Variants in ATP8A2 observed in about 807,000 individuals in gnomAD.
The protein encoded by ATP8A2 is phospholipid-transporting ATPase IB.
In ATP8A2, 100 loss-of-function variants were observed where a neutral mutation model predicts 165.6. The observed-to-expected ratio is 0.60, with a 90% confidence interval of 0.51 to 0.71. The LOEUF (loss-of-function observed/expected upper bound fraction) is 0.71, where lower values mean the gene tolerates loss of function less well. ATP8A2 is among the 30% of genes least tolerant of loss of function. ATP8A2 has a pLI of 0.00. For missense variants in ATP8A2, 1,227 were observed against 1,479.5 expected, an observed-to-expected ratio of 0.83 and a Z score of 2.80; for synonymous variants, 543 against 548.8, an observed-to-expected ratio of 0.99 and a Z score of 0.15.
At position 26,022,127 on chromosome 13, in the gene ATP8A2, C is replaced by G. The variant is rs2139387796; in HGVS notation, c.*2142C>G. 6.6e-6 allele frequency: 1 copy of G among 152,310 alleles called. No homozygotes were observed. Among genetic ancestry groups the G allele is most frequent in the Non-Finnish European group, 1.5e-5 (1 of 68,020 alleles). 9.4% of individuals were successfully genotyped at this position (152,310 alleles called of 1,614,324 possible). On this transcript the variant is annotated 3_prime_UTR_variant, in exon 37 of 37. Transcript: ENST00000381655. ...ACGGAAGGACTGTCATGCAGGAACT[C>G]TAACACAAAATGTGCCTATGACTAA...
chr13:25,759,469 G>A (rs985978615), intron 25 of ATP8A2, among the ~76,000 whole-genome samples: 5 of 152,082 alleles, frequency 3.3e-5, no homozygotes, highest in African/African-American at 1.2e-4. Context: ...CCACAGCAGA[G>A]GTCAGGCACA....
chr13:25,908,179 A>G (rs755403148), intron 33 of ATP8A2, among the ~76,000 whole-genome samples: 1 of 151,848 alleles, frequency 6.6e-6, no homozygotes, highest in Non-Finnish European at 1.5e-5. Context: ...ATGGTTTTCT[A>G]CCGAGGCGTG....
intron 1 of ATP8A2, among the ~76,000 whole-genome samples, chr13:25,430,285 C>T (rs966484065): frequency 2.0e-5 from 3 of 151,412 alleles, no homozygotes; most frequent in Admixed American, 6.6e-5. Flanking sequence ...GGGGCGTCTC[C>T]GGTAAGGGAT....
intron 24 of ATP8A2, among the ~76,000 whole-genome samples, chr13:25,655,555 G>C (rs991722995): frequency 6.6e-6 from 1 of 152,128 alleles, no homozygotes; most frequent in Non-Finnish European, 1.5e-5. Context: ...GTTGAAACAA[G>C]ATGCTCCCTC....
intron 23 of ATP8A2, among the ~76,000 whole-genome samples, chr13:25,588,886 G>T (rs61948648): frequency 0.21 from 31,351 of 152,036 alleles, 3,327 homozygotes; most frequent in Non-Finnish European, 0.23. Flanking sequence ...CGAGGGTGTG[G>T]ATTGGAGGGG....
In ATP8A2 at chr13:25,578,894, C is replaced by T. The variant is rs767543887; in HGVS notation, c.1862C>T (p.Thr621Met). Residue 621 changes from threonine to methionine, a missense_variant, in exon 21 of 37, where the codon ACG (threonine) becomes ATG (methionine). Around this residue, in one of 5 missense-constraint regions of ATP8A2, gnomAD observed 592 missense variants for 785.6 expected, o/e 0.75. Transcript: ENST00000381655. ...TTATGCCATCTGGAATACTTTGCCA[C>T]GGAAGGTAAGTGGAATTTGGAAATG... is the stretch of plus-strand genomic sequence containing the variant. ...ETLCHLEYFATEGLRTLCVAY... is the reference protein window; with the variant it reads ...ETLCHLEYFAMEGLRTLCVAY... The T allele has an allele frequency of 1.9e-5, 30 of 1,606,088 alleles. No individual in the cohort carries two copies. Among genetic ancestry groups the T allele is most frequent in the South Asian group, 9.9e-5 (9 of 90,906 alleles).
intron 33 of ATP8A2, among the ~76,000 whole-genome samples, chr13:25,892,270 C>T (rs974186833): frequency 6.6e-6 from 1 of 152,136 alleles, no homozygotes; most frequent in Non-Finnish European, 1.5e-5. Flanking sequence ...GCCACTGCGC[C>T]TGGCACCTTT....
chr13:25,967,668 T>C (rs551426281), intron 34 of ATP8A2, among the ~76,000 whole-genome samples: 2 of 152,336 alleles, frequency 1.3e-5, no homozygotes, highest in South Asian at 4.1e-4. Context: ...GCCTTTTCCC[T>C]TTGCAGTTTT....
chr13:25,414,289 C>G (rs187645643), intron 1 of ATP8A2, among the ~76,000 whole-genome samples: 2 of 149,664 alleles, frequency 1.3e-5, no homozygotes, highest in East Asian at 3.9e-4. Flanking sequence ...CTCCCGGGTT[C>G]AAGCGATTTT....
chr13:25,888,978 C>T (rs572601901), intron 33 of ATP8A2, among the ~76,000 whole-genome samples: 8 of 152,046 alleles, frequency 5.3e-5, no homozygotes, highest in South Asian at 2.1e-4. Flanking sequence ...CTCTTCTCTT[C>T]GTCACCTAAA....
chr13:25,759,633 T>G (rs904200281), intron 25 of ATP8A2, among the ~76,000 whole-genome samples: 2 of 152,306 alleles, frequency 1.3e-5, no homozygotes, highest in Admixed American at 6.5e-5. Context: ...CTAAAAACAT[T>G]AAGGTATTTA....
At chr13:25,979,949 G>C (rs370554670) in intron 35 of ATP8A2, among the ~76,000 whole-genome samples, 1 of 152,174 alleles carries the variant, frequency 6.6e-6, no homozygotes, top group African/African-American at 2.4e-5. Context: ...AGAGAAAAGC[G>C]TAACAGACTT....
At chr13:25,401,133 T>C (rs2033623649) in intron 1 of ATP8A2, among the ~76,000 whole-genome samples, 1 of 152,074 alleles carries the variant, frequency 6.6e-6, no homozygotes, top group Non-Finnish European at 1.5e-5. Flanking sequence ...AGCTCGGAAA[T>C]GAGACACGGT....
chr13:25,401,245 A>G (rs1227874420), intron 1 of ATP8A2, among the ~76,000 whole-genome samples: 1 of 152,196 alleles, frequency 6.6e-6, no homozygotes, highest in Non-Finnish European at 1.5e-5. Context: ...GAGGATGCAA[A>G]AGCCCTTTAA....
chr13:25,682,001 G>A (rs2042498447), intron 24 of ATP8A2, among the ~76,000 whole-genome samples: 2 of 152,086 alleles, frequency 1.3e-5, no homozygotes, highest in East Asian at 1.9e-4. Flanking sequence ...AGAGCACTGC[G>A]GTCCTTGGCT....
chr13:25,597,767 G>A (rs1414643545), intron 24 of ATP8A2, among the ~76,000 whole-genome samples: 1 of 152,134 alleles, frequency 6.6e-6, no homozygotes, highest in African/African-American at 2.4e-5. Context: ...ATAAATATGT[G>A]TGGTATTCTA....
chr13:25,756,916 A>G (rs2044274509), intron 25 of ATP8A2, among the ~76,000 whole-genome samples: 1 of 152,204 alleles, frequency 6.6e-6, no homozygotes, highest in Admixed American at 6.5e-5. Context: ...AAAGAGGACC[A>G]GGGAGGGGGT....
chr13:25,763,572 C>A (rs1018796141), intron 25 of ATP8A2, among the ~76,000 whole-genome samples: 1 of 152,184 alleles, frequency 6.6e-6, no homozygotes, highest in Non-Finnish European at 1.5e-5. Context: ...CCATTCCTGC[C>A]ACTATCCTTT....
chr13:25,559,806 G>A (rs1322630196), intron 15 of ATP8A2, 41 bp downstream of exon 15: 2 of 1,416,844 alleles, frequency 1.4e-6, no homozygotes, highest in African/African-American at 2.8e-5. Flanking sequence ...TAGTGGAAAA[G>A]CTTTTGGAAT....
Sources: gnomAD v4.1 joint callset for allele counts (sites outside exome capture counted in the v4.1 genomes callset) on GRCh38, gnomAD v4.1.1 for gene constraint, gnomAD v4.1.1 regional missense constraint, MANE v1.5 for transcripts, NCBI Gene and HGNC (gene_info 2026-07-23, HGNC 2026-07-21) for gene names.